RAD54L2: variants seen among roughly 807,000 people sequenced by gnomAD.
RAD54L2 encodes RAD54 like 2.
RAD54L2 carries 27 observed loss-of-function variants against 138.4 expected under a neutral mutation model. The ratio of observed to expected loss-of-function variants is 0.20; its 90% confidence interval spans 0.14 to 0.27. RAD54L2 has a LOEUF of 0.27. Among genes scored for constraint, RAD54L2 ranks in the 10% least tolerant of loss-of-function variants. RAD54L2 has a pLI of 1.00. For synonymous variants in RAD54L2, 644 were observed against 723.2 expected, an observed-to-expected ratio of 0.89 and a Z score of 1.76; for missense variants, 1,396 against 1,890.2, an observed-to-expected ratio of 0.74 and a Z score of 4.85.
chr3:51,594,253 A>G (rs1699906791), intron 3 of RAD54L2, among the ~76,000 whole-genome samples: 3 of 151,680 alleles, frequency 2.0e-5, no homozygotes, highest in African/African-American at 7.3e-5. Flanking sequence ...TTTTGTATTT[A>G]GTAGAGACAG....
At chr3:51,629,577 G>A (rs1700786248) in intron 5 of RAD54L2, 104 bp downstream of exon 5, 11 of 1,411,056 alleles carry the variant, frequency 7.8e-6, no homozygotes, top group East Asian at 5.0e-5. Context: ...GTGGCCTCTC[G>A]GCTGGGCGCG....
intron 9 of RAD54L2, among the ~76,000 whole-genome samples, 179 bp downstream of exon 9, chr3:51,634,214 A>G (rs1449161920): frequency 6.6e-6 from 1 of 152,144 alleles, no homozygotes; most frequent in Non-Finnish European, 1.5e-5. Context: ...TTTTCAGGAA[A>G]GCCAGAGTTA....
rs766437358 is a variant in RAD54L2, at chr3:51,664,480, T to G, written c.*1060T>G. ...TTCCTTTCCTTCCCCTTTAGAGAGC[T>G]CCATGTTAATTTATTTCTTATGGGC... is the stretch of plus-strand genomic sequence containing the variant. On this transcript the variant is annotated 3_prime_UTR_variant, in exon 23 of 23. Coordinates refer to ENST00000684192, the MANE Select transcript of RAD54L2 (RefSeq NM_015106.4). The G allele has an allele frequency of 6.6e-6, 1 of 152,170 alleles. No homozygotes were observed. The highest frequency in any genetic ancestry group is 1.5e-5 in the Non-Finnish European group (1 of 68,034). The allele number at this position is 152,170 out of a possible 1,614,324, so 9.4% of individuals were successfully genotyped here. A position where few individuals can be genotyped will look rare whatever the true frequency, so the allele number is the denominator to read the frequency against.
At chr3:51,579,009 G>A (rs777407561) in intron 2 of RAD54L2, among the ~76,000 whole-genome samples, 3 of 152,120 alleles carry the variant, frequency 2.0e-5, no homozygotes, top group African/African-American at 7.2e-5. Context: ...GAGCGGGACC[G>A]TAATCTTCCC....
At chr3:51,632,935 T>G (rs1337035458) in intron 7 of RAD54L2, among the ~76,000 whole-genome samples, 2 of 150,774 alleles carry the variant, frequency 1.3e-5, no homozygotes, top group African/African-American at 4.9e-5. Context: ...ACTACTTCTA[T>G]GTGGCTGGGC....
At chr3:51,608,434 G>A (rs541184584) in intron 3 of RAD54L2, among the ~76,000 whole-genome samples, 1 of 152,342 alleles carries the variant, frequency 6.6e-6, no homozygotes, top group African/African-American at 2.4e-5. Context: ...TGGCGGCCGG[G>A]CAGAGGCTGC....
intron 3 of RAD54L2, among the ~76,000 whole-genome samples, chr3:51,595,165 C>T (rs1040569735): frequency 6.6e-6 from 1 of 152,024 alleles, no homozygotes; most frequent in Non-Finnish European, 1.5e-5. Context: ...CGTGCCTGGC[C>T]GATGGGCCCT....
At chr3:51,588,714 C>T (rs1301223293) in intron 2 of RAD54L2, among the ~76,000 whole-genome samples, 1 of 152,074 alleles carries the variant, frequency 6.6e-6, no homozygotes, top group Admixed American at 6.6e-5. Flanking sequence ...ATGGCCTTTA[C>T]AGCTAATAGT....
chr3:51,637,444 C>T lies in RAD54L2; in HGVS notation c.1623C>T (p.Val541=), dbSNP rs1414497231. ...GQCIDSTPQD[V]RLMRYRSHVL... is the part of the protein sequence containing the mutation. ...GTATTGACAGCACACCTCAGGACGT[C>T]CGCCTCATGCGGTACCGGAGCCATG... is the stretch of plus-strand genomic sequence containing the variant. Residue 541 remains valine (V), a synonymous_variant, in exon 11 of 23, where the codon GTC becomes GTT. Transcript: ENST00000684192. The surrounding 1 kb of genome is among the most constrained non-coding windows in gnomAD (Gnocchi z 5.9). 1 of 1,613,914 alleles carries T rather than the reference C, an allele frequency of 6.2e-7. No homozygotes were observed. The highest frequency in any genetic ancestry group is 1.1e-5 in the South Asian group (1 of 91,040).
chr3:51,584,540 C>T (rs1374858660), intron 2 of RAD54L2, among the ~76,000 whole-genome samples: 3 of 151,446 alleles, frequency 2.0e-5, no homozygotes, highest in Non-Finnish European at 2.9e-5. Context: ...TTGGAAAGAA[C>T]TTTAACAGTC....
rs922079367 is a variant in RAD54L2 at position 51,662,709 on chromosome 3, C to T, written c.3693C>T (p.Leu1231=). 2 of 1,613,888 alleles carry T rather than the reference C, an allele frequency of 1.2e-6. No homozygotes were observed. Among genetic ancestry groups the T allele is most frequent in the Non-Finnish European group, 1.7e-6 (2 of 1,179,876 alleles). The change falls in exon 23 of 23, where the codon CTC becomes CTT. Residue 1231 remains leucine, a synonymous_variant. Coordinates refer to ENST00000684192, the MANE Select transcript of RAD54L2 (RefSeq NM_015106.4). This position sits in a 1 kb window ranked among gnomAD's most constrained non-coding sequence, Gnocchi z 4.6. ...AGCCTCGACTAGGGGGTCATTGCCT[C>T]AATAGTTCCCTCTTGGTGACTGGCC... is the stretch of plus-strand genomic sequence containing the variant. The part of the protein sequence containing the change: ...GTEPRLGGHC[L]NSSLLVTGQP...
At chr3:51,660,778 C>T (rs1234245374) in intron 22 of RAD54L2, among the ~76,000 whole-genome samples, 1 of 151,784 alleles carries the variant, frequency 6.6e-6, no homozygotes, top group Admixed American at 6.6e-5. Flanking sequence ...CATGCCACCA[C>T]GCCCAGCTAA....
chr3:51,590,450 TCCAGACCTGGAC>T lies in RAD54L2; in HGVS notation c.33_44del (p.Leu13_Asp16del), dbSNP rs1168022094. ...CAGACGAATCTGCCTCAGGGAGCGA[TCCAGACCTGGAC>T]CCGGACGTGGAGCTGGAGGATGCGG... On this transcript the variant is annotated inframe_deletion, in exon 3 of 23. Transcript: ENST00000684192. 1.9e-6 allele frequency: 3 copies of T among 1,550,690 alleles called. No individual in the cohort carries two copies. The highest frequency in any genetic ancestry group is 2.6e-6 in the Non-Finnish European group (3 of 1,146,370).
chr3:51,626,434 A>ATTTTTTTTTTTTTTTTT (rs1302087610), intron 3 of RAD54L2, among the ~76,000 whole-genome samples: 1 of 12,292 alleles, frequency 8.1e-5, no homozygotes, highest in Admixed American at 8.4e-4. Flanking sequence ...ACCCCCAACG[A>ATTTTTTTTTTTTTTTTT]TCTTTTTTTT....
In RAD54L2 at chr3:51,629,320, A is replaced by T; in HGVS notation, c.342-14A>T. On this transcript the variant is annotated splice_polypyrimidine_tract_variant and intron_variant, in intron 4 of 22. Transcript: ENST00000684192. The stretch of plus-strand genomic sequence containing the variant: ...TAATTGAACCCAAGTGCTGTCTCTT[A>T]TGTGAATGTTTAGAAAGCTACTCCG... The T allele has an allele frequency of 1.3e-6, 2 of 1,576,032 alleles. No individual in the cohort carries two copies. Among genetic ancestry groups the T allele is most frequent in the Non-Finnish European group, 1.7e-6 (2 of 1,160,488 alleles).
chr3:51,653,383 A>G (rs1179954622), intron 19 of RAD54L2, among the ~76,000 whole-genome samples: 1 of 152,224 alleles, frequency 6.6e-6, no homozygotes, highest in Non-Finnish European at 1.5e-5. Context: ...TGATTCCTCA[A>G]GGATCTAGAA....
At chr3:51,612,638 TAAC>T (rs1240880622) in intron 3 of RAD54L2, among the ~76,000 whole-genome samples, 1 of 151,550 alleles carries the variant, frequency 6.6e-6, no homozygotes, top group Non-Finnish European at 1.5e-5. Context: ...ATGTTGTTAG[TAAC>T]AGCTAGTCTG....
chr3:51,594,347 A>G (rs1699909074), intron 3 of RAD54L2, among the ~76,000 whole-genome samples: 2 of 152,242 alleles, frequency 1.3e-5, no homozygotes, highest in South Asian at 4.1e-4. Flanking sequence ...TGCTGGGATT[A>G]CAGGCATGAA....
Position 51,645,135 on chromosome 3 carries a change from C to G in RAD54L2, c.2562C>G (p.Gly854=), listed in dbSNP as rs987014197. Reference sequence around the variant, plus strand: ...CAGTATGTCGGGTATACCGTTATGGCCAGAAAAAGCCCTGTTACATCTATC... The same window carrying G: ...CAGTATGTCGGGTATACCGTTATGGGCAGAAAAAGCCCTGTTACATCTATC... ...AQAVCRVYRY[G]QKKPCYIYRL... The change falls in exon 17 of 23, where the codon GGC becomes GGG. Residue 854 remains glycine (G), a synonymous_variant. Transcript: ENST00000684192. This position sits in a 1 kb window ranked among gnomAD's most constrained non-coding sequence, Gnocchi z 6.1. 1 of 1,613,824 alleles carries G rather than the reference C, an allele frequency of 6.2e-7. No individual in the cohort carries two copies.
Sources: allele counts gnomAD v4.1 joint callset (sites outside exome capture counted in the v4.1 genomes callset), GRCh38; gene constraint gnomAD v4.1.1; non-coding constraint Gnocchi (gnomAD v3.1); transcripts MANE v1.5; gene names NCBI Gene and HGNC (gene_info 2026-07-23, HGNC 2026-07-21).